The following UBTD1 variants were observed in gnomAD, a reference collection of about 807,000 sequenced individuals.
The protein encoded by UBTD1 is ubiquitin domain-containing protein 1.
Under a neutral mutation model 21.7 loss-of-function variants are expected in UBTD1, and 19 were observed. That is an observed-to-expected ratio of 0.87 (90% confidence interval 0.61 to 1.28). The LOEUF is 1.28. Ranked by LOEUF, UBTD1 falls within the 50% of genes most tolerant of loss-of-function variation. UBTD1 has a pLI of 0.00. For missense variants in UBTD1, 282 were observed against 315.1 expected, an observed-to-expected ratio of 0.89 and a Z score of 0.80; for synonymous variants, 116 against 135.1, an observed-to-expected ratio of 0.86 and a Z score of 0.98.
At chr10:97,503,196 G>A (rs768154749) in intron 1 of UBTD1, among the ~76,000 whole-genome samples, 15 of 152,182 alleles carry the variant, frequency 9.9e-5, no homozygotes, top group Admixed American at 9.2e-4. Flanking sequence ...GATTACTGGC[G>A]TGAGCCGCCA....
Position 97,570,113 on chromosome 10 carries a change from T to A in UBTD1, c.299-25T>A, listed in dbSNP as rs2040737931. 6.3e-7 allele frequency: 1 copy of A among 1,579,462 alleles called. No individual in the cohort carries two copies. The highest frequency in any genetic ancestry group is 1.7e-4 in the Middle Eastern group (1 of 5,948). ...CATGATAGTGGATCCCCAAGCTGAC[T>A]CTGACAGCCCTGCCTCTCCTACAGG... On this transcript the variant is annotated intron_variant, in intron 2 of 2. Transcript: ENST00000370664. This position sits in a 1 kb window ranked among gnomAD's most constrained non-coding sequence, Gnocchi z 6.6.
At position 97,499,137 on chromosome 10, in the gene UBTD1, C is replaced by T. The variant is rs2040292815; in HGVS notation, c.-67C>T. ...CGGCCGGAGCCATTGACCCGGGACG[C>T]CGCCGTCCGCTGAGCAGCCGACCAC... On this transcript the variant is annotated 5_prime_UTR_variant, in exon 1 of 3. Transcript: ENST00000370664. The T allele has an allele frequency of 2.9e-5, 43 of 1,471,642 alleles. No homozygotes were observed. The highest frequency in any genetic ancestry group is 3.7e-5 in the Non-Finnish European group (41 of 1,104,216). The allele number at this position is 1,471,642 out of a possible 1,614,324, so 91.2% of individuals were successfully genotyped here.
intron 1 of UBTD1, among the ~76,000 whole-genome samples, chr10:97,521,457 G>T (rs2040466668): frequency 6.6e-6 from 1 of 152,224 alleles, no homozygotes. Context: ...CCAGCCTCCA[G>T]GGGTGGTGAG....
At chr10:97,542,246 A>T (rs1024686884) in intron 1 of UBTD1, among the ~76,000 whole-genome samples, 25 of 152,270 alleles carry the variant, frequency 1.6e-4, no homozygotes, top group African/African-American at 6.0e-4. Context: ...AGAGGGATGG[A>T]GGGATGGGCT....
intron 1 of UBTD1, among the ~76,000 whole-genome samples, chr10:97,531,684 C>G (rs998004039): frequency 3.9e-5 from 6 of 152,202 alleles, no homozygotes; most frequent in Admixed American, 3.3e-4. Context: ...AGGGGCGATT[C>G]TAGGTATCGG....
At chr10:97,521,778 G>T (rs1324137039) in intron 1 of UBTD1, among the ~76,000 whole-genome samples, 1 of 152,196 alleles carries the variant, frequency 6.6e-6, no homozygotes, top group Non-Finnish European at 1.5e-5. Context: ...TTTGGAGTGG[G>T]TCACACACCC....
At chr10:97,535,044 T>C (rs1253634589) in intron 1 of UBTD1, among the ~76,000 whole-genome samples, 1 of 152,214 alleles carries the variant, frequency 6.6e-6, no homozygotes, top group East Asian at 1.9e-4. Flanking sequence ...GTGTGGGCAG[T>C]GCAGAAATCT....
intron 1 of UBTD1, among the ~76,000 whole-genome samples, chr10:97,538,224 G>T (rs57077758): frequency 0.048 from 7,325 of 152,096 alleles, 554 homozygotes; most frequent in African/African-American, 0.16. Context: ...AGGCACAGTG[G>T]CTCGCACCTG....
intron 1 of UBTD1, among the ~76,000 whole-genome samples, chr10:97,508,761 G>A (rs2040409471): frequency 2.0e-5 from 3 of 152,160 alleles, no homozygotes; most frequent in Admixed American, 2.0e-4. Flanking sequence ...TTGGATCAAA[G>A]TGCTTGGCAC....
At chr10:97,533,548 G>C (rs1564739528) in intron 1 of UBTD1, among the ~76,000 whole-genome samples, 2 of 152,176 alleles carry the variant, frequency 1.3e-5, no homozygotes, top group African/African-American at 4.8e-5. Context: ...AATGAGGCCT[G>C]ATCTGTCTGC....
intron 1 of UBTD1, among the ~76,000 whole-genome samples, chr10:97,533,207 C>T (rs926388389): frequency 3.9e-5 from 6 of 152,252 alleles, no homozygotes; most frequent in Admixed American, 3.3e-4. Context: ...GAGCTGAGCC[C>T]ATAGGGCTCC....
chr10:97,522,122 A>G (rs919852382), intron 1 of UBTD1, among the ~76,000 whole-genome samples: 1 of 152,214 alleles, frequency 6.6e-6, no homozygotes, highest in Non-Finnish European at 1.5e-5. Context: ...GACATAGACA[A>G]GATCACCTCT....
chr10:97,518,131 G>T (rs1257962571), intron 1 of UBTD1, among the ~76,000 whole-genome samples: 2 of 152,170 alleles, frequency 1.3e-5, no homozygotes, highest in Non-Finnish European at 2.9e-5. Flanking sequence ...ATCCTGTTTT[G>T]CTGCTGGCCT....
intron 1 of UBTD1, among the ~76,000 whole-genome samples, chr10:97,558,356 C>G (rs912891320): frequency 1.3e-5 from 2 of 152,136 alleles, no homozygotes; most frequent in African/African-American, 4.8e-5. Flanking sequence ...TAATGATGTC[C>G]TTTGGTATTT....
rs532048405 is a variant in UBTD1 at position 97,548,257 on chromosome 10, C to T, written c.71-19657C>T. 2.8e-4 allele frequency among the ~76,000 whole-genome samples: 43 copies of T among 152,328 alleles called. 1 individual carries two copies. In the South Asian group the frequency reaches 8.3e-3, roughly 29 times the overall value. On this transcript the variant is annotated intron_variant, in intron 1 of 2. Transcript: ENST00000370664. ...CAGGTTGCCAGAAAGCACATGTAAT[C>T]AGGGTTCCCTCCAGAGCTGCTAACG... is the stretch of plus-strand genomic sequence containing the variant.
chr10:97,527,156 C>T (rs539774905), intron 1 of UBTD1, among the ~76,000 whole-genome samples: 77 of 113,408 alleles, frequency 6.8e-4, no homozygotes, highest in African/African-American at 2.6e-3. Context: ...GGCAACAAAG[C>T]GAAACTCTTG....
At chr10:97,502,256 C>T (rs1432847310) in intron 1 of UBTD1, among the ~76,000 whole-genome samples, 2 of 151,938 alleles carry the variant, frequency 1.3e-5, no homozygotes, top group Non-Finnish European at 2.9e-5. Context: ...TAGCTTTATT[C>T]ATAAAGTCCA....
chr10:97,521,368 A>G (rs531680123), intron 1 of UBTD1, among the ~76,000 whole-genome samples: 2 of 152,150 alleles, frequency 1.3e-5, no homozygotes, highest in African/African-American at 4.8e-5. Flanking sequence ...TCCAGGAGTT[A>G]CTTTTCTGTT....
chr10:97,517,690 T>C (rs1298589487), intron 1 of UBTD1, among the ~76,000 whole-genome samples: 2 of 152,128 alleles, frequency 1.3e-5, no homozygotes, highest in Non-Finnish European at 2.9e-5. Flanking sequence ...TGGGCTCCAC[T>C]ACAACCCATC....
Sources: allele counts gnomAD v4.1 joint callset (sites outside exome capture counted in the v4.1 genomes callset), GRCh38; gene constraint gnomAD v4.1.1; non-coding constraint Gnocchi (gnomAD v3.1); transcripts MANE v1.5; gene names NCBI Gene and HGNC (gene_info 2026-07-23, HGNC 2026-07-21).